Variants in TLK2 observed in about 807,000 individuals in gnomAD.
TLK2 encodes the protein serine/threonine-protein kinase tousled-like 2.
Under a neutral mutation model 117.3 loss-of-function variants are expected in TLK2, and 6 were observed. The observed-to-expected ratio is 0.05, with a 90% CI of 0.03 to 0.10. The LOEUF (loss-of-function observed/expected upper bound fraction) is 0.10, where lower values mean the gene tolerates loss of function less well. Among genes scored for constraint, TLK2 ranks in the 10% least tolerant of loss-of-function variants. The probability of loss-of-function intolerance (pLI) is 1.00; values close to 1 mark genes in which losing one functional copy is unlikely to be tolerated. For synonymous variants in TLK2, 257 were observed against 316.7 expected, an observed-to-expected ratio of 0.81 and a Z score of 2.00; for missense variants, 299 against 901.2, an observed-to-expected ratio of 0.33 and a Z score of 8.56.
intron 6 of TLK2, among the ~76,000 whole-genome samples, chr17:62,528,093 G>C (rs2076501530): frequency 6.6e-6 from 1 of 152,118 alleles, no homozygotes; most frequent in Non-Finnish European, 1.5e-5. Flanking sequence ...GTTTACTGCT[G>C]TCTCTTGTTA....
intron 6 of TLK2, among the ~76,000 whole-genome samples, chr17:62,530,088 TGTG>T (rs1049703484): frequency 3.3e-5 from 5 of 151,808 alleles, no homozygotes; most frequent in African/African-American, 1.2e-4. Flanking sequence ...GCCTGGCCAA[TGTG>T]GTGAAACCCT....
At chr17:62,475,691 G>T (rs555962453), upstream of TLK2, among the ~76,000 whole-genome samples, 1 of 148,822 alleles carries the variant, frequency 6.7e-6, no homozygotes, top group Admixed American at 6.7e-5. Context: ...ACGGAGTCTC[G>T]CTCTGTCACC....
At chr17:62,590,092 C>T (rs1161103687) in intron 16 of TLK2, among the ~76,000 whole-genome samples, 1 of 149,654 alleles carries the variant, frequency 6.7e-6, no homozygotes, top group Non-Finnish European at 1.5e-5. Context: ...CAGGCATGAG[C>T]CACCGTGCCC....
intron 10 of TLK2, among the ~76,000 whole-genome samples, chr17:62,562,990 T>A (rs922665502): frequency 1.3e-5 from 2 of 152,124 alleles, no homozygotes; most frequent in Non-Finnish European, 2.9e-5. Flanking sequence ...TCCATAAAAG[T>A]ACTTGTATGA....
chr17:62,485,915 G>T (rs1326980419), intron 2 of TLK2, among the ~76,000 whole-genome samples: 1 of 149,126 alleles, frequency 6.7e-6, no homozygotes, highest in East Asian at 2.0e-4. Flanking sequence ...CCGCCTCCCA[G>T]GTTCACGCCA....
intron 9 of TLK2, among the ~76,000 whole-genome samples, chr17:62,558,418 C>T (rs150664466): frequency 6.6e-6 from 1 of 152,302 alleles, no homozygotes; most frequent in Non-Finnish European, 1.5e-5. Flanking sequence ...CTGCCTCGGC[C>T]TCCCAGAGTG....
Position 62,584,514 on chromosome 17 carries a change from G to C in TLK2, c.1369-1621G>C, listed in dbSNP as rs145699317. Among the ~76,000 whole-genome samples the C allele has an allele frequency of 3.6e-3, 544 of 152,236 alleles. 4 individuals carry two copies. The highest frequency in any genetic ancestry group is 0.01 in the Middle Eastern group (3 of 294). ...GACTGAAGATTCTTTAAGAAAAGAA[G>C]TTCAAAAGTTTCCATTTTTGGCCGG... On this transcript the variant is annotated intron_variant, in intron 15 of 21. Transcript: ENST00000346027.
In TLK2 at chr17:62,513,262, C is replaced by T. The variant is rs1170519784; in HGVS notation, c.82-7511C>T. 4.0e-5 allele frequency among the ~76,000 whole-genome samples: 6 copies of T among 149,260 alleles called. No homozygotes were observed. The East Asian group carries it at 1.2e-3, about 29-fold the overall frequency. On this transcript the variant is annotated intron_variant, in intron 2 of 21. Transcript: ENST00000346027. ...GTTTTGCCTATGCATCTAGTTGTTC[C>T]AGTAGCATTTATTTAAAAGTCTCTT...
intron 16 of TLK2, among the ~76,000 whole-genome samples, chr17:62,592,483 T>C (rs972283668): frequency 5.3e-5 from 8 of 152,220 alleles, no homozygotes; most frequent in African/African-American, 1.9e-4. Context: ...TTTGTTGTTG[T>C]GCAAACATCA....
chr17:62,472,068 G>A (rs1408559070), intron 1 of TLK2, among the ~76,000 whole-genome samples: 3 of 150,970 alleles, frequency 2.0e-5, no homozygotes, highest in Non-Finnish European at 3.0e-5. Context: ...CACCATGTCC[G>A]GCTAATTTTT....
intron 15 of TLK2, among the ~76,000 whole-genome samples, chr17:62,585,231 A>C (rs1188530029): frequency 1.3e-5 from 2 of 152,168 alleles, no homozygotes; most frequent in Non-Finnish European, 2.9e-5. Flanking sequence ...GACTAACTTC[A>C]GCCATTTTTG....
chr17:62,549,419 A>AAAAAAAAAAAAAAT (rs2078238813), intron 7 of TLK2, among the ~76,000 whole-genome samples: 1 of 7,746 alleles, frequency 1.3e-4, no homozygotes, highest in Non-Finnish European at 4.8e-4. Context: ...AAAAAAAAAA[A>AAAAAAAAAAAAAAT]AAAAAAAAAA....
Position 62,516,357 on chromosome 17 carries a change from G to A in TLK2, c.82-4416G>A, listed in dbSNP as rs2075589550. The A allele has an allele frequency of 7.3e-6, 11 of 1,514,962 alleles. No individual in the cohort carries two copies. In the South Asian group the frequency reaches 8.0e-5, roughly 11 times the overall value. 93.8% of individuals were successfully genotyped at this position (1,514,962 alleles called of 1,614,324 possible). A position where few individuals can be genotyped will look rare whatever the true frequency, so the allele number is the denominator to read the frequency against. On this transcript the variant is annotated intron_variant, in intron 2 of 21. Transcript: ENST00000346027. ...GCTGACCACGTCCACAACCAAATCC[G>A]CCTCTAAACTAGAATTCGGTTGCTG...
chr17:62,480,989 A>G (rs1305851918), intron 1 of TLK2, 132 bp from the exon 2 acceptor site: 17 of 799,204 alleles, frequency 2.1e-5, no homozygotes, highest in Non-Finnish European at 6.1e-6. Context: ...TACCACTTGT[A>G]TGCTATATTT....
upstream of TLK2, among the ~76,000 whole-genome samples, chr17:62,478,369 A>C (rs2071167153): frequency 6.6e-6 from 1 of 150,844 alleles, no homozygotes; most frequent in South Asian, 2.1e-4. Context: ...CGGATCCGGG[A>C]ACGGGTGGAC....
At chr17:62,476,868 G>C (rs2071060553), upstream of TLK2, among the ~76,000 whole-genome samples, 1 of 151,800 alleles carries the variant, frequency 6.6e-6, no homozygotes, top group African/African-American at 2.4e-5. Flanking sequence ...GATCAACTGA[G>C]GTCAGGAATT....
At chr17:62,562,986 A>G (rs1360134449) in intron 10 of TLK2, among the ~76,000 whole-genome samples, 3 of 152,214 alleles carry the variant, frequency 2.0e-5, no homozygotes, top group Non-Finnish European at 4.4e-5. Flanking sequence ...AATGTCCATA[A>G]AAGTACTTGT....
rs181531344 is a variant in TLK2, at chr17:62,514,601, G to A, written c.82-6172G>A. ...CTTCTTTTTTTTTTTTTTTTGAGAT[G>A]GAGTTTTGCTCTTGTTGCCCAGGCT... On this transcript the variant is annotated intron_variant, in intron 2 of 21. Transcript: ENST00000346027. Among the ~76,000 whole-genome samples, 144 of 133,988 alleles carry A rather than the reference G, an allele frequency of 1.1e-3. 1 individual carries two copies. The highest frequency in any genetic ancestry group is 3.4e-3 in the African/African-American group (120 of 35,718). 87.9% of individuals were successfully genotyped at this position (133,988 alleles called of 152,430 possible).
At chr17:62,534,975 G>T (rs2077013900) in intron 6 of TLK2, among the ~76,000 whole-genome samples, 1 of 131,614 alleles carries the variant, frequency 7.6e-6, no homozygotes, top group African/African-American at 2.9e-5. Flanking sequence ...TGCAACTTCC[G>T]CCTCCTGGGT....
Sources: allele counts gnomAD v4.1 joint callset (sites outside exome capture counted in the v4.1 genomes callset), GRCh38; gene constraint gnomAD v4.1.1; transcripts MANE v1.5; gene names NCBI Gene and HGNC (gene_info 2026-07-23, HGNC 2026-07-21).